Variants in USP48 observed in about 807,000 individuals in gnomAD.
USP48 encodes ubiquitin carboxyl-terminal hydrolase 48.
A neutral mutation model predicts 150.7 loss-of-function variants in USP48; 43 were observed. The ratio of observed to expected loss-of-function variants is 0.29; its 90% CI spans 0.22 to 0.37. The LOEUF (loss-of-function observed/expected upper bound fraction) is 0.37. USP48 is among the 10% of genes least tolerant of loss of function. The pLI is 1.00. For synonymous variants in USP48, 396 were observed against 425.9 expected (o/e 0.93, Z 0.86); for missense variants, 813 against 1,249.6 (o/e 0.65, Z 5.27).
intron 19 of USP48, chr1:21,704,745 T>C (rs1406592754): frequency 5.7e-6 from 1 of 174,134 alleles, no homozygotes; most frequent in African/African-American, 2.4e-5. Context: ...TACAGAATAC[T>C]TTCTGAGACA....
At chr1:21,680,913 G>A (rs993138851) in intron 25 of USP48, 79 bp from the exon 26 acceptor site, 62 of 1,148,240 alleles carry the variant, frequency 5.4e-5, no homozygotes, top group Non-Finnish European at 7.4e-5. Flanking sequence ...AATGCTTAAA[G>A]ACAAAAGTTT....
At chr1:21,721,833 C>T in intron 12 of USP48, 69 bp from the exon 13 acceptor site, 2 of 1,156,344 alleles carry the variant, frequency 1.7e-6, no homozygotes, top group Non-Finnish European at 2.4e-6. Flanking sequence ...AAAATGTTTT[C>T]AGCACTTCAC....
intron 15 of USP48, among the ~76,000 whole-genome samples, chr1:21,709,788 C>T (rs2097685569): frequency 6.6e-6 from 1 of 152,000 alleles, no homozygotes; most frequent in African/African-American, 2.4e-5. Flanking sequence ...TTTCATATGA[C>T]AAGGAAAGAA....
intron 22 of USP48, among the ~76,000 whole-genome samples, chr1:21,697,258 G>A (rs1316332816): frequency 6.6e-6 from 1 of 152,010 alleles, no homozygotes. Flanking sequence ...AATCTACATA[G>A]GCAACTGAGT....
At chr1:21,710,563 A>G (rs1317779198) in intron 15 of USP48, among the ~76,000 whole-genome samples, 1 of 152,214 alleles carries the variant, frequency 6.6e-6, no homozygotes, top group Non-Finnish European at 1.5e-5. Flanking sequence ...TTGTTATATA[A>G]TATCTGCAAC....
At chr1:21,750,826 G>A (rs1479549756) in intron 6 of USP48, among the ~76,000 whole-genome samples, 2 of 151,344 alleles carry the variant, frequency 1.3e-5, no homozygotes, top group Non-Finnish European at 2.9e-5. Flanking sequence ...AGGTTGCAAT[G>A]AGCCAAGATT....
In USP48 at chr1:21,689,914, A is replaced by G. The variant is rs1413073957; in HGVS notation, c.3009+60T>C. 3.1e-6 allele frequency: 5 copies of G among 1,597,766 alleles called. No homozygotes were observed. The Admixed American group carries it at 6.9e-5, about 22-fold the overall frequency. On this transcript the variant is annotated intron_variant, in intron 24 of 26. Coordinates refer to ENST00000308271, the MANE Select transcript of USP48 (RefSeq NM_032236.8). ...CTTTAACCACCATTTCACACAGTTT[A>G]CACATAGTTATGTAACATGTAAAAC...
intron 12 of USP48, 138 bp from the exon 13 acceptor site, chr1:21,721,902 A>T: frequency 2.0e-6 from 1 of 507,960 alleles, no homozygotes; most frequent in African/African-American, 1.9e-5. Context: ...AAATTGGTAT[A>T]TACCCTAAAT....
chr1:21,701,377 A>G (rs924474973), intron 22 of USP48, 121 bp downstream of exon 22: 19 of 729,634 alleles, frequency 2.6e-5, no homozygotes, highest in South Asian at 3.9e-5. Context: ...AAAAAAAAAA[A>G]AAAAGAAAAA....
intron 2 of USP48, 149 bp from the exon 3 acceptor site, chr1:21,756,851 G>A: frequency 7.0e-7 from 1 of 1,423,126 alleles, no homozygotes; most frequent in Non-Finnish European, 9.1e-7. Context: ...TTGGCTGGAG[G>A]TGGGGCATAA....
intron 9 of USP48, among the ~76,000 whole-genome samples, chr1:21,730,813 T>C (rs1042833803): frequency 1.7e-4 from 25 of 150,722 alleles, no homozygotes; most frequent in African/African-American, 6.1e-4. Context: ...CAGGCTAGAG[T>C]GCAGTGGCGC....
chr1:21,711,888 A>T (rs1409824735), intron 15 of USP48, among the ~76,000 whole-genome samples: 1 of 152,240 alleles, frequency 6.6e-6, no homozygotes, highest in Non-Finnish European at 1.5e-5. Context: ...CTACCACAAA[A>T]GTCTCTTAAA....
At chr1:21,781,771 G>C (rs568936498) in intron 1 of USP48, 1 of 152,352 alleles carries the variant, frequency 6.6e-6, no homozygotes, top group East Asian at 1.9e-4. Flanking sequence ...ACATTATTTG[G>C]TTAGTCTGGA....
chr1:21,698,722 G>A (rs999391542), intron 22 of USP48, among the ~76,000 whole-genome samples: 9 of 151,938 alleles, frequency 5.9e-5, no homozygotes, highest in African/African-American at 4.8e-5. Context: ...GTGAAACCCC[G>A]TCTCTACTAA....
chr1:21,695,275 C>G (rs929432133), intron 22 of USP48, 54 bp from the exon 23 acceptor site: 1 of 1,505,184 alleles, frequency 6.6e-7, no homozygotes, highest in Non-Finnish European at 8.9e-7. Context: ...CAATGTGACC[C>G]TTGCTCATGA....
At chr1:21,761,139 A>T (rs991681470) in intron 1 of USP48, among the ~76,000 whole-genome samples, 3 of 152,154 alleles carry the variant, frequency 2.0e-5, no homozygotes, top group African/African-American at 4.8e-5. Flanking sequence ...AAAACACTGC[A>T]TATCATGTTG....
intron 1 of USP48, among the ~76,000 whole-genome samples, chr1:21,773,758 G>C (rs764097493): frequency 2.0e-5 from 3 of 152,080 alleles, no homozygotes; most frequent in African/African-American, 7.2e-5. Flanking sequence ...ACTCAAGATC[G>C]ATGCAGAGGG....
intron 22 of USP48, 105 bp downstream of exon 22, chr1:21,701,393 A>G: frequency 2.4e-6 from 2 of 842,094 alleles, no homozygotes; most frequent in South Asian, 3.5e-5. Context: ...AAAAAAAAAG[A>G]ACCAATATCC....
chr1:21,724,225 G>C, intron 11 of USP48, 130 bp from the exon 12 acceptor site: 1 of 943,912 alleles, frequency 1.1e-6, no homozygotes, highest in Non-Finnish European at 1.6e-6. Flanking sequence ...TCATTGTCTG[G>C]GGGAAGATGT....
Sources: allele counts gnomAD v4.1 joint callset (sites outside exome capture counted in the v4.1 genomes callset), GRCh38; gene constraint gnomAD v4.1.1; transcripts MANE v1.5; gene names NCBI Gene and HGNC (gene_info 2026-07-23, HGNC 2026-07-21).